COX7A2L: variants seen among roughly 807,000 people sequenced by gnomAD.
The protein encoded by COX7A2L is cytochrome c oxidase subunit 7A2-like, mitochondrial.
A neutral mutation model predicts 14.2 loss-of-function variants in COX7A2L; 18 were observed. That is an observed-to-expected ratio of 1.27 (90% CI 0.88 to 1.88). The LOEUF (loss-of-function observed/expected upper bound fraction) is 1.88, where lower values mean the gene tolerates loss of function less well. COX7A2L is among the 40% of genes most tolerant of loss of function. The pLI is 0.00. For synonymous variants in COX7A2L, 65 were observed against 57.4 expected (o/e 1.13, Z -0.60); for missense variants, 179 against 138.8 (o/e 1.29, Z -1.46).
chr2:42,356,426 C>T (rs1178569665), intron 1 of COX7A2L, among the ~76,000 whole-genome samples: 1 of 152,234 alleles, frequency 6.6e-6, no homozygotes, highest in Non-Finnish European at 1.5e-5. Flanking sequence ...TTGTTCACTG[C>T]TCCTATATTC....
chr2:42,349,364 A>T lies in COX7A2L; in HGVS notation c.*1855T>A, dbSNP rs898218955. The T allele has an allele frequency of 6.6e-6, 1 of 152,212 alleles. No individual in the cohort carries two copies. Among genetic ancestry groups the T allele is most frequent in the African/African-American group, 2.4e-5 (1 of 41,448 alleles). The allele number at this position is 152,212 out of a possible 1,614,324, so 9.4% of individuals were successfully genotyped here. ...CACGTACATCACACATCATATGATT[A>T]TATTTATATGAAATGTCCAGGAAAG... On this transcript the variant is annotated 3_prime_UTR_variant, in exon 3 of 3. Coordinates refer to ENST00000234301, the MANE Select transcript of COX7A2L (RefSeq NM_004718.4).
Position 42,351,302 on chromosome 2 carries a change from G to C in COX7A2L, c.262C>G (p.Arg88Gly). 1 of 1,614,148 alleles carries C rather than the reference G, an allele frequency of 6.2e-7. No individual in the cohort carries two copies. The highest frequency in any genetic ancestry group is 8.5e-7 in the Non-Finnish European group (1 of 1,180,030). The change falls in exon 3 of 3, where the codon CGG (arginine) becomes GGG (glycine). Residue 88 changes from arginine (R) to glycine (G), a missense_variant. Transcript: ENST00000234301. ...CCCACAGTCAGCGCCATGGTGGTCC[G>C]GTAAAGCATTTGGTCAGGCAGGCCT... The part of the protein sequence containing the change: ...KRGLPDQMLY[R>G]TTMALTVGGT...
chr2:42,363,698 C>T (rs1324459490), upstream of COX7A2L, among the ~76,000 whole-genome samples: 4 of 152,214 alleles, frequency 2.6e-5, no homozygotes, highest in Non-Finnish European at 5.9e-5. Context: ...ACTAAGGCAC[C>T]CTATTCTCAT....
In COX7A2L at chr2:42,342,169, T is replaced by C. The variant is rs1408894963; in HGVS notation, c.193-8300A>G. Among the ~76,000 whole-genome samples, 1 of 152,158 alleles carries C rather than the reference T, an allele frequency of 6.6e-6. No homozygotes were observed. The highest frequency in any genetic ancestry group is 2.4e-5 in the African/African-American group (1 of 41,444). On this transcript the variant is annotated intron_variant, in intron 2 of 2. Transcript: ENST00000468711. This position sits in a 1 kb window ranked among gnomAD's most constrained non-coding sequence, Gnocchi z 4.9. Reference sequence around the variant, plus strand: ...GAGCTGAGCAACCACGCTGCCTCCATGCTTGAGCTCAGGGCTCCACACTCA... The same window carrying C: ...GAGCTGAGCAACCACGCTGCCTCCACGCTTGAGCTCAGGGCTCCACACTCA...
At chr2:42,353,026 CTCTTT>C in intron 2 of COX7A2L, 181 bp downstream of exon 2, 1 of 684,382 alleles carries the variant, frequency 1.5e-6, no homozygotes, top group Non-Finnish European at 2.4e-6. Context: ...CCACCCTCCC[CTCTTT>C]TATCAGTATC....
At position 42,336,962 on chromosome 2, in the gene COX7A2L, C is replaced by T. The variant is rs1035422690; in HGVS notation, c.193-3093G>A. On this transcript the variant is annotated intron_variant, in intron 2 of 2. Transcript: ENST00000468711. The stretch of plus-strand genomic sequence containing the variant: ...TGAGAAAGATTAGCCCCTGCCCTCA[C>T]GGAGCATACACTCTAGAAAGGTTGT... Among the ~76,000 whole-genome samples the T allele has an allele frequency of 2.6e-5, 4 of 152,152 alleles. No individual in the cohort carries two copies. The South Asian group carries it at 6.2e-4, about 24-fold the overall frequency.
rs1670627907 is a variant in COX7A2L, at chr2:42,351,134, T to A, written c.*85A>T. The A allele has an allele frequency of 9.1e-7, 1 of 1,101,344 alleles. No individual in the cohort carries two copies. The highest frequency in any genetic ancestry group is 1.2e-6 in the Non-Finnish European group (1 of 814,202). The allele number at this position is 1,101,344 out of a possible 1,614,324, so 68.2% of individuals were successfully genotyped here. A position where few individuals can be genotyped will look rare whatever the true frequency, so the allele number is the denominator to read the frequency against. Reference sequence around the variant, plus strand: ...TTGCAAAAATGTTAAGCCATCCAAGTAAAAAAAAAAATTTTAATTTAACAA... The same window carrying A: ...TTGCAAAAATGTTAAGCCATCCAAGAAAAAAAAAAAATTTTAATTTAACAA... On this transcript the variant is annotated 3_prime_UTR_variant, in exon 3 of 3. Coordinates refer to ENST00000234301, the MANE Select transcript of COX7A2L (RefSeq NM_004718.4).
In COX7A2L at chr2:42,351,335, G is replaced by C. The variant is rs765050381; in HGVS notation, c.229C>G (p.Leu77Val). 1.9e-6 allele frequency: 3 copies of C among 1,614,132 alleles called. No individual in the cohort carries two copies. The highest frequency in any genetic ancestry group is 1.7e-6 in the Non-Finnish European group (2 of 1,180,012). The change falls in exon 3 of 3, where the codon CTG (leucine) becomes GTG (valine). Residue 77 changes from leucine to valine, a missense_variant. Coordinates refer to ENST00000234301, the MANE Select transcript of COX7A2L (RefSeq NM_004718.4). Reference protein sequence around the residue: ...FQKADGVPVYLKRGLPDQMLY... With the variant: ...FQKADGVPVYVKRGLPDQMLY... ...ATTTGGTCAGGCAGGCCTCGTTTCA[G>C]GTAGACGGGCACACCATCAGCTTTC...
upstream of COX7A2L, among the ~76,000 whole-genome samples, chr2:42,364,466 T>C (rs1671120458): frequency 6.6e-6 from 1 of 152,066 alleles, no homozygotes; most frequent in East Asian, 1.9e-4. Context: ...TCTTTTTACA[T>C]TTTCCCAACA....
chr2:42,356,342 CTA>C (rs1206296131), intron 1 of COX7A2L, among the ~76,000 whole-genome samples: 1 of 152,168 alleles, frequency 6.6e-6, no homozygotes, highest in African/African-American at 2.4e-5. Flanking sequence ...ACCTAACATA[CTA>C]TGTTTTACTT....
chr2:42,363,245 A>G (rs548901862), upstream of COX7A2L, among the ~76,000 whole-genome samples: 8 of 152,280 alleles, frequency 5.3e-5, no homozygotes, highest in South Asian at 6.2e-4. Flanking sequence ...ACTACCTCAA[A>G]AGAAAATGAT....
chr2:42,360,976 G>A (rs1207307623), intron 1 of COX7A2L, 114 bp downstream of exon 1: 24 of 1,093,270 alleles, frequency 2.2e-5, no homozygotes, highest in Non-Finnish European at 1.9e-5. Context: ...AAGGAGAACA[G>A]AGACGAACTC....
At position 42,351,174 on chromosome 2, in the gene COX7A2L, C is replaced by A; in HGVS notation, c.*45G>T. ...TAATTTAACAATGAAAAAGGAACTT[C>A]AAAGGGTTTATGCCAAAAAACAAAC... On this transcript the variant is annotated 3_prime_UTR_variant, in exon 3 of 3. Transcript: ENST00000234301. The A allele has an allele frequency of 6.6e-7, 1 of 1,523,476 alleles. No homozygotes were observed. Among genetic ancestry groups the A allele is most frequent in the Non-Finnish European group, 8.8e-7 (1 of 1,134,320 alleles). The allele number at this position is 1,523,476 out of a possible 1,614,324, so 94.4% of individuals were successfully genotyped here.
rs34950261 is a variant in COX7A2L at position 42,357,484 on chromosome 2, A to AT, written c.72+3605dup. Among the ~76,000 whole-genome samples the AT allele has an allele frequency of 1.1e-3, 160 of 148,492 alleles. 2 individuals carry two copies. The South Asian group carries it at 0.022, about 21-fold the overall frequency. On this transcript the variant is annotated intron_variant, in intron 1 of 2. Coordinates refer to ENST00000234301, the MANE Select transcript of COX7A2L (RefSeq NM_004718.4). ...TCACCATACCCAGCTAATTTTTCTT[A>AT]TTTTTTTTTTAGAGACGGGGTCTCA...
At chr2:42,337,640 C>T (rs1309325560) in intron 2 of COX7A2L, among the ~76,000 whole-genome samples, 1 of 152,118 alleles carries the variant, frequency 6.6e-6, no homozygotes, top group Non-Finnish European at 1.5e-5. Flanking sequence ...ATGTTACTTT[C>T]CTGGTCTCAT....
rs1454076570 is a variant in COX7A2L at position 42,350,065 on chromosome 2, G to GAC, written c.*1153_*1154insGT. 8 of 133,800 alleles carry GAC rather than the reference G, an allele frequency of 6.0e-5. 1 individual carries two copies. Among genetic ancestry groups the GAC allele is most frequent in the Admixed American group, 5.6e-4 (8 of 14,160 alleles). The allele number at this position is 133,800 out of a possible 1,614,324, so 8.3% of individuals were successfully genotyped here. On this transcript the variant is annotated 3_prime_UTR_variant, in exon 3 of 3. Transcript: ENST00000234301. Reference sequence around the variant, plus strand: ...AGAGAATAAAATTTAGATTTGCAGAGAGAGAGAGAGAGAGATATCACTGCA... The same window carrying GAC: ...AGAGAATAAAATTTAGATTTGCAGAGACAGAGAGAGAGAGAGATATCACTGCA...
At chr2:42,363,678 C>G (rs1255518901), upstream of COX7A2L, among the ~76,000 whole-genome samples, 2 of 152,216 alleles carry the variant, frequency 1.3e-5, no homozygotes, top group Non-Finnish European at 2.9e-5. Context: ...ACACAGCACA[C>G]TCTGACAGTA....
At chr2:42,365,509 C>T (rs1397156624), upstream of COX7A2L, among the ~76,000 whole-genome samples, 1 of 152,158 alleles carries the variant, frequency 6.6e-6, no homozygotes, top group East Asian at 1.9e-4. Flanking sequence ...CATCTGTAAT[C>T]CCAGCTACAG....
intron 2 of COX7A2L, among the ~76,000 whole-genome samples, chr2:42,340,699 A>G (rs1223513107): frequency 6.6e-6 from 1 of 151,750 alleles, no homozygotes; most frequent in Non-Finnish European, 1.5e-5. Flanking sequence ...CGTGAGGTGC[A>G]AGTTCAACAG....
Sources: allele counts gnomAD v4.1 joint callset (sites outside exome capture counted in the v4.1 genomes callset), GRCh38; gene constraint gnomAD v4.1.1; non-coding constraint Gnocchi (gnomAD v3.1); transcripts MANE v1.5; gene names NCBI Gene and HGNC (gene_info 2026-07-23, HGNC 2026-07-21).